The following VAV2 variants were observed in gnomAD, a reference collection of about 807,000 sequenced individuals.
VAV2 encodes the protein guanine nucleotide exchange factor VAV2.
VAV2 carries 67 observed loss-of-function variants against 132.5 expected under a neutral mutation model. The ratio of observed to expected loss-of-function variants is 0.51; its 90% CI spans 0.42 to 0.62. The LOEUF (loss-of-function observed/expected upper bound fraction) is 0.62, where lower values mean the gene tolerates loss of function less well. Ranked by LOEUF, VAV2 falls within the 20% of genes least tolerant of loss-of-function variation. The probability of loss-of-function intolerance (pLI) is 0.00; values close to 1 mark genes in which losing one functional copy is unlikely to be tolerated. For synonymous variants in VAV2, 492 were observed against 443.5 expected (o/e 1.11, Z -1.37); for missense variants, 938 against 1,153.6 (o/e 0.81, Z 2.71).
rs573166247 is a variant in VAV2, at chr9:133,863,645, C to T, written c.322-2213G>A. ...CTGATGAAGGGCTCTGGAGGGCCTG[C>T]AGCATCGATGGGGCAGCCCCTTCCA... On this transcript the variant is annotated intron_variant, in intron 2 of 29. Transcript: ENST00000371850. This position sits in a 1 kb window ranked among gnomAD's most constrained non-coding sequence, Gnocchi z 5.0. Among the ~76,000 whole-genome samples, 13 of 152,280 alleles carry T rather than the reference C, an allele frequency of 8.5e-5. No homozygotes were observed. The highest frequency in any genetic ancestry group is 1.5e-4 in the Non-Finnish European group (10 of 68,004).
At chr9:133,948,515 G>A (rs1235901562) in intron 1 of VAV2, among the ~76,000 whole-genome samples, 2 of 152,168 alleles carry the variant, frequency 1.3e-5, no homozygotes, top group Non-Finnish European at 2.9e-5. Flanking sequence ...GGCCAGATCA[G>A]CAGGGCAGGC....
chr9:133,916,476 T>C (rs764042564), intron 2 of VAV2, among the ~76,000 whole-genome samples: 86 of 152,160 alleles, frequency 5.7e-4, no homozygotes, highest in Non-Finnish European at 1.1e-3. Context: ...TCCCAGAGCC[T>C]GGCTCTCTGC....
intron 2 of VAV2, among the ~76,000 whole-genome samples, chr9:133,862,499 G>A (rs915083372): frequency 2.0e-5 from 3 of 152,228 alleles, no homozygotes; most frequent in African/African-American, 7.2e-5. Context: ...GTGACAGCTC[G>A]CGTGTGTGGT....
At chr9:133,774,640 T>C (rs1833748517) in intron 25 of VAV2, among the ~76,000 whole-genome samples, 2 of 152,148 alleles carry the variant, frequency 1.3e-5, no homozygotes, top group Non-Finnish European at 2.9e-5. Context: ...CACCCACTTG[T>C]ACCTGAGCTT....
Position 133,863,428 on chromosome 9 carries a change from G to A in VAV2, c.322-1996C>T, listed in dbSNP as rs1029011098. ...GGCCCCAGGTCGGGTCGTACAGATGGAACCGGGTCGTACAGATGGAACCGG... is the reference window on the plus strand; with the variant it reads ...GGCCCCAGGTCGGGTCGTACAGATGAAACCGGGTCGTACAGATGGAACCGG... On this transcript the variant is annotated intron_variant, in intron 2 of 29. Coordinates refer to ENST00000371850, the MANE Select transcript of VAV2 (RefSeq NM_001134398.2). This position sits in a 1 kb window ranked among gnomAD's most constrained non-coding sequence, Gnocchi z 5.0. Among the ~76,000 whole-genome samples the A allele has an allele frequency of 5.0e-5, 7 of 138,966 alleles. No individual in the cohort carries two copies. The highest frequency in any genetic ancestry group is 8.9e-5 in the Non-Finnish European group (6 of 67,372). The allele number at this position is 138,966 out of a possible 152,430, so 91.2% of individuals were successfully genotyped here.
chr9:133,921,842 G>A (rs1840306709), intron 2 of VAV2, among the ~76,000 whole-genome samples: 1 of 152,246 alleles, frequency 6.6e-6, no homozygotes, highest in Non-Finnish European at 1.5e-5. Context: ...CATCCGTCAT[G>A]GAAACGAACC....
intron 18 of VAV2, 128 bp downstream of exon 18, chr9:133,784,189 G>T: frequency 3.0e-6 from 3 of 1,012,752 alleles, no homozygotes; most frequent in Non-Finnish European, 4.5e-6. Flanking sequence ...TGACTCTTGT[G>T]GGGTATACTC....
Position 133,771,940 on chromosome 9 carries a change from G to A in VAV2, c.2223+19C>T, listed in dbSNP as rs200281508. ...CCTGTGGCTGGGGTGGGAGCCGGCCGGAGCCAGAAGTCACCTACCAGGAGG... is the reference window on the plus strand; with the variant it reads ...CCTGTGGCTGGGGTGGGAGCCGGCCAGAGCCAGAAGTCACCTACCAGGAGG... On this transcript the variant is annotated intron_variant, in intron 26 of 29. Coordinates refer to ENST00000371850, the MANE Select transcript of VAV2 (RefSeq NM_001134398.2). The A allele has an allele frequency of 2.3e-4, 375 of 1,613,052 alleles. 1 individual carries two copies. The highest frequency in any genetic ancestry group is 8.3e-4 in the Middle Eastern group (5 of 6,058).
At chr9:133,990,334 T>C (rs567350359) in intron 1 of VAV2, among the ~76,000 whole-genome samples, 1 of 152,288 alleles carries the variant, frequency 6.6e-6, no homozygotes, top group South Asian at 2.1e-4. Flanking sequence ...TATTGCTGCC[T>C]GGCCAATGGC....
At chr9:133,946,277 G>A (rs1375340438) in intron 1 of VAV2, among the ~76,000 whole-genome samples, 2 of 152,254 alleles carry the variant, frequency 1.3e-5, no homozygotes, top group African/African-American at 4.8e-5. Context: ...TCTGGGGCCT[G>A]GCCTCAGGCT....
chr9:133,901,349 T>C (rs958174715), intron 2 of VAV2, among the ~76,000 whole-genome samples: 1 of 152,252 alleles, frequency 6.6e-6, no homozygotes, highest in Admixed American at 6.5e-5. Context: ...TTATTCCCCG[T>C]TTGTGACAGG....
At chr9:133,914,385 CGGAT>C (rs1839984276) in intron 2 of VAV2, among the ~76,000 whole-genome samples, 1 of 151,732 alleles carries the variant, frequency 6.6e-6, no homozygotes, top group Admixed American at 6.6e-5. Flanking sequence ...CATCAGCAGA[CGGAT>C]GGATAAACAA....
intron 1 of VAV2, among the ~76,000 whole-genome samples, chr9:133,965,765 G>C (rs1779616826): frequency 6.6e-6 from 1 of 152,012 alleles, no homozygotes; most frequent in African/African-American, 2.4e-5. Context: ...ATTCTTCAAA[G>C]AAATAGAAAA....
rs892552734 is a variant in VAV2 at position 133,863,741 on chromosome 9, C to T, written c.322-2309G>A. ...TCGGCCTGAATTTCAGGCTTCCTAG[C>T]TGGCACTGGGGATGGGGGGAAGCTC... is the stretch of plus-strand genomic sequence containing the variant. On this transcript the variant is annotated intron_variant, in intron 2 of 29. Transcript: ENST00000371850. This position sits in a 1 kb window ranked among gnomAD's most constrained non-coding sequence, Gnocchi z 5.0. 3.4e-4 allele frequency among the ~76,000 whole-genome samples: 52 copies of T among 152,300 alleles called. No individual in the cohort carries two copies. Among genetic ancestry groups the T allele is most frequent in the African/African-American group, 1.1e-3 (46 of 41,574 alleles).
chr9:133,852,276 G>A (rs1837218750), intron 3 of VAV2, among the ~76,000 whole-genome samples: 1 of 151,954 alleles, frequency 6.6e-6, no homozygotes, highest in Non-Finnish European at 1.5e-5. Flanking sequence ...ATGGGTGGAA[G>A]GATGAAAGAA....
chr9:133,897,491 C>T (rs1212669021), intron 2 of VAV2, among the ~76,000 whole-genome samples: 3 of 152,156 alleles, frequency 2.0e-5, no homozygotes, highest in African/African-American at 7.2e-5. Context: ...GCTGTGTCTC[C>T]TTGAACGAAA....
intron 2 of VAV2, among the ~76,000 whole-genome samples, chr9:133,917,886 C>G (rs1840155024): frequency 6.6e-6 from 1 of 152,134 alleles, no homozygotes; most frequent in South Asian, 2.1e-4. Context: ...GACGCAGCCT[C>G]CTGGAGACCC....
At chr9:133,818,382 A>AAAT (rs1364638950) in intron 4 of VAV2, among the ~76,000 whole-genome samples, 7 of 151,942 alleles carry the variant, frequency 4.6e-5, no homozygotes, top group Non-Finnish European at 2.9e-5. Flanking sequence ...AAAAAAAAAA[A>AAAT]AATGGGTGGA....
chr9:133,950,869 T>C (rs1260968877), intron 1 of VAV2, among the ~76,000 whole-genome samples: 1 of 152,094 alleles, frequency 6.6e-6, no homozygotes, highest in African/African-American at 2.4e-5. Context: ...CATGAGGGCA[T>C]TCGCACGCTC....
Sources: allele counts gnomAD v4.1 joint callset (sites outside exome capture counted in the v4.1 genomes callset), GRCh38; gene constraint gnomAD v4.1.1; non-coding constraint Gnocchi (gnomAD v3.1); transcripts MANE v1.5; gene names NCBI Gene and HGNC (gene_info 2026-07-23, HGNC 2026-07-21).